Variants in PCDHA8 observed in about 807,000 individuals in gnomAD.
The protein encoded by PCDHA8 is protocadherin alpha 8, also known as protocadherin alpha-8.
In PCDHA8, 53 loss-of-function variants were observed where a neutral mutation model predicts 61.8. That is an observed-to-expected ratio of 0.86 (90% CI 0.69 to 1.08). PCDHA8 has a LOEUF of 1.08. Among genes scored for constraint, PCDHA8 ranks in the 50% least tolerant of loss-of-function variants. The probability of loss-of-function intolerance (pLI) is 0.00; values close to 1 mark genes in which losing one functional copy is unlikely to be tolerated. For synonymous variants in PCDHA8, 618 were observed against 556.6 expected, an observed-to-expected ratio of 1.11 and a Z score of -1.55; for missense variants, 1,293 against 1,245.0, an observed-to-expected ratio of 1.04 and a Z score of -0.58.
At chr5:140,870,557 A>G (rs1554164412) in intron 1 of PCDHA8, 5 of 1,613,906 alleles carry the variant, frequency 3.1e-6, no homozygotes, top group African/African-American at 2.7e-5. Context: ...GACGCGCAGG[A>G]GAACGCGCTG....
intron 1 of PCDHA8, chr5:140,875,418 G>A: frequency 6.6e-7 from 1 of 1,515,104 alleles, no homozygotes; most frequent in Non-Finnish European, 8.8e-7. Flanking sequence ...AAATACCTCA[G>A]GCAAGCGATC....
At chr5:140,896,657 A>G (rs1554187043) in intron 1 of PCDHA8, among the ~76,000 whole-genome samples, 1 of 152,010 alleles carries the variant, frequency 6.6e-6, no homozygotes, top group East Asian at 1.9e-4. Flanking sequence ...TATTACAGGC[A>G]TGAGTCACTG....
intron 1 of PCDHA8, chr5:140,929,227 G>A (rs141300036): frequency 6.2e-6 from 10 of 1,613,774 alleles, no homozygotes; most frequent in Admixed American, 5.0e-5. Context: ...CAATGCTGCC[G>A]ACCTGCGAAA....
At chr5:140,883,296 TA>T (rs1389927639) in intron 1 of PCDHA8, 1 of 1,613,994 alleles carries the variant, frequency 6.2e-7, no homozygotes, top group African/African-American at 1.3e-5. Flanking sequence ...GTACTAGATG[TA>T]AATGATAACG....
chr5:140,915,389 G>T (rs1382922139), intron 1 of PCDHA8, among the ~76,000 whole-genome samples: 5 of 152,078 alleles, frequency 3.3e-5, no homozygotes, highest in African/African-American at 4.8e-5. Context: ...TGAAGAGCTA[G>T]GTATTTCTTA....
chr5:140,858,366 G>C, intron 1 of PCDHA8: 1 of 1,590,950 alleles, frequency 6.3e-7, no homozygotes, highest in Admixed American at 1.7e-5. Context: ...TTCAGCCCCA[G>C]CCTTCCACCA....
At chr5:140,880,684 A>G (rs903335932) in intron 1 of PCDHA8, among the ~76,000 whole-genome samples, 27 of 152,226 alleles carry the variant, frequency 1.8e-4, no homozygotes, top group Admixed American at 1.2e-3. Flanking sequence ...TGAAGAGAAT[A>G]GTCATGGTTA....
In PCDHA8 at chr5:140,870,852, G is replaced by T. The variant is rs782301779; in HGVS notation, c.2394+27137G>T. 6 of 1,613,862 alleles carry T rather than the reference G, an allele frequency of 3.7e-6. 1 individual carries two copies. The South Asian group carries it at 6.6e-5, about 18-fold the overall frequency. On this transcript the variant is annotated intron_variant, in intron 1 of 3. Coordinates refer to ENST00000531613, the MANE Select transcript of PCDHA8 (RefSeq NM_018911.3). ...CAGTTAACAAGCTAGTACCGCGGTC[G>T]GTGGGTGCGGGCCACGTGGTGGCGA...
intron 1 of PCDHA8, among the ~76,000 whole-genome samples, chr5:140,916,217 A>T (rs1050976167): frequency 6.6e-6 from 1 of 152,132 alleles, no homozygotes; most frequent in Non-Finnish European, 1.5e-5. Context: ...GGAAGATCCA[A>T]ATATGCTTTC....
intron 3 of PCDHA8, among the ~76,000 whole-genome samples, chr5:140,990,912 A>G (rs1415853627): frequency 1.3e-5 from 2 of 152,148 alleles, no homozygotes; most frequent in African/African-American, 4.8e-5. Context: ...CAAGTTTTAT[A>G]AGTCTTTAAA....
intron 1 of PCDHA8, among the ~76,000 whole-genome samples, chr5:140,944,593 T>C (rs187929896): frequency 2.6e-5 from 4 of 152,318 alleles, no homozygotes; most frequent in African/African-American, 9.6e-5. Context: ...AGAATTTCCC[T>C]GGGTAGAGTA....
intron 1 of PCDHA8, chr5:140,865,728 T>C (rs1052740962): frequency 5.3e-5 from 8 of 152,218 alleles, no homozygotes; most frequent in Admixed American, 4.6e-4. Flanking sequence ...AGCTGAGATG[T>C]GTATCTATTT....
At chr5:140,926,982 G>A (rs1554203886) in intron 1 of PCDHA8, 1 of 1,610,398 alleles carries the variant, frequency 6.2e-7, no homozygotes, top group East Asian at 2.2e-5. Flanking sequence ...CGGAGGAGAC[G>A]GAGCGGGGCG....
chr5:140,961,805 G>A (rs1554225601), intron 1 of PCDHA8, among the ~76,000 whole-genome samples: 1 of 151,810 alleles, frequency 6.6e-6, no homozygotes, highest in African/African-American at 2.4e-5. Context: ...AGGAAATTGG[G>A]TTCTCTAGTC....
At chr5:140,876,058 C>G in intron 1 of PCDHA8, 4 of 1,613,868 alleles carry the variant, frequency 2.5e-6, no homozygotes, top group Non-Finnish European at 3.4e-6. Flanking sequence ...TGAATTAGTT[C>G]TTCGGAAGTT....
At position 140,843,597 on chromosome 5, in the gene PCDHA8, G is replaced by A; in HGVS notation, c.2276G>A (p.Cys759Tyr). Residue 759 changes from cysteine (C) to tyrosine (Y), a missense_variant, in exon 1 of 4, where the codon TGC becomes TAC. Transcript: ENST00000531613. ...SYSQQQPQRVCSGEGPPKTDL... is the reference protein window; with the variant it reads ...SYSQQQPQRVYSGEGPPKTDL... ...TCGCAACAACAGCCGCAGAGGGTGT[G>A]CTCTGGTGAGGGGCCACCGAAGACG... is the stretch of plus-strand genomic sequence containing the variant. 1 of 1,596,060 alleles carries A rather than the reference G, an allele frequency of 6.3e-7. No homozygotes were observed.
intron 1 of PCDHA8, chr5:140,884,108 G>A (rs782424793): frequency 3.1e-6 from 5 of 1,613,286 alleles, no homozygotes; most frequent in Admixed American, 3.3e-5. Context: ...ATTGCAGCTG[G>A]CGGCGGTCGG....
chr5:140,996,587 C>T (rs1260417239), intron 3 of PCDHA8, among the ~76,000 whole-genome samples: 4 of 151,994 alleles, frequency 2.6e-5, no homozygotes, highest in South Asian at 2.1e-4. Context: ...TAACAAGGGC[C>T]GCCTCCCCCC....
intron 1 of PCDHA8, among the ~76,000 whole-genome samples, chr5:140,913,400 C>T (rs2076319870): frequency 6.6e-6 from 1 of 152,108 alleles, no homozygotes; most frequent in South Asian, 2.1e-4. Context: ...CACTAATGAT[C>T]CTTTGAATTC....
Sources: gnomAD v4.1 joint callset for allele counts (sites outside exome capture counted in the v4.1 genomes callset) on GRCh38, gnomAD v4.1.1 for gene constraint, MANE v1.5 for transcripts, NCBI Gene and HGNC (gene_info 2026-07-23, HGNC 2026-07-21) for gene names.